Variants in CACNB4 observed in about 807,000 individuals in gnomAD.
CACNB4 encodes voltage-dependent L-type calcium channel subunit beta-4.
Under a neutral mutation model 71.2 loss-of-function variants are expected in CACNB4, and 32 were observed. The observed-to-expected ratio is 0.45, with a 90% CI of 0.34 to 0.60. The LOEUF (loss-of-function observed/expected upper bound fraction) is 0.60. CACNB4 is among the 20% of genes least tolerant of loss of function. The pLI is 0.01. For missense variants in CACNB4, 464 were observed against 647.9 expected, an observed-to-expected ratio of 0.72 and a Z score of 3.08; for synonymous variants, 231 against 236.9, an observed-to-expected ratio of 0.97 and a Z score of 0.23.
At chr2:151,965,819 C>T (rs2099870950) in intron 2 of CACNB4, among the ~76,000 whole-genome samples, 2 of 151,964 alleles carry the variant, frequency 1.3e-5, no homozygotes, top group Admixed American at 1.3e-4. Context: ...TATTGGCAAG[C>T]GAACAAGCAA....
At chr2:151,998,053 T>A (rs1465781381) in intron 2 of CACNB4, among the ~76,000 whole-genome samples, 1 of 152,172 alleles carries the variant, frequency 6.6e-6, no homozygotes, top group African/African-American at 2.4e-5. Flanking sequence ...CTGGGCATGG[T>A]GGCTCATGTC....
chr2:152,051,572 T>C (rs1203317681), intron 2 of CACNB4, among the ~76,000 whole-genome samples: 1 of 152,120 alleles, frequency 6.6e-6, no homozygotes, highest in Non-Finnish European at 1.5e-5. Context: ...GCTTGCTTCC[T>C]CTCTCTCTGC....
At position 151,895,096 on chromosome 2, in the gene CACNB4, C is replaced by CCACACA. The variant is rs58504924; in HGVS notation, c.148-11732_148-11727dup. The stretch of plus-strand genomic sequence containing the variant: ...ATATGGAACCAGAACTCAAATAGCC[C>CCACACA]CACACACACACACACACACACACAC... On this transcript the variant is annotated intron_variant, in intron 2 of 13. Transcript: ENST00000539935. Among the ~76,000 whole-genome samples the CCACACA allele has an allele frequency of 9.3e-3, 207 of 22,320 alleles. 2 individuals are homozygous for CCACACA. The East Asian group carries it at 0.24, about 26-fold the overall frequency. The allele number at this position is 22,320 out of a possible 152,430, so 14.6% of individuals were successfully genotyped here.
At chr2:151,901,486 A>G (rs1425035762) in intron 2 of CACNB4, among the ~76,000 whole-genome samples, 1 of 152,152 alleles carries the variant, frequency 6.6e-6, no homozygotes. Context: ...TATTTTGTGG[A>G]AAGGTTCTTC....
At chr2:151,989,234 A>G (rs1448889827) in intron 2 of CACNB4, among the ~76,000 whole-genome samples, 2 of 152,202 alleles carry the variant, frequency 1.3e-5, no homozygotes, top group Non-Finnish European at 2.9e-5. Flanking sequence ...TCAAAGAATA[A>G]CAACACTTCC....
At chr2:152,082,007 T>C (rs1356047232) in intron 2 of CACNB4, among the ~76,000 whole-genome samples, 1 of 152,242 alleles carries the variant, frequency 6.6e-6, no homozygotes, top group East Asian at 1.9e-4. Flanking sequence ...TTCTTTATTA[T>C]AGATTTAAAG....
At chr2:152,087,153 C>T (rs1330392116) in intron 2 of CACNB4, among the ~76,000 whole-genome samples, 2 of 151,182 alleles carry the variant, frequency 1.3e-5, no homozygotes, top group Non-Finnish European at 2.9e-5. Flanking sequence ...AAAAAAAAGG[C>T]TAGGCACGGT....
At chr2:151,876,115 G>T (rs1236730887) in intron 5 of CACNB4, among the ~76,000 whole-genome samples, 1 of 152,104 alleles carries the variant, frequency 6.6e-6, no homozygotes, top group Non-Finnish European at 1.5e-5. Flanking sequence ...CATACTGCTG[G>T]TTCAGGTCAG....
chr2:152,069,500 C>A (rs932906879), intron 2 of CACNB4, among the ~76,000 whole-genome samples: 1 of 148,080 alleles, frequency 6.8e-6, no homozygotes, highest in Non-Finnish European at 1.5e-5. Flanking sequence ...ATAAAGAACA[C>A]GCCTTTTTTT....
At position 152,098,848 on chromosome 2, in the gene CACNB4, G is replaced by C; in HGVS notation, c.63+101C>G. On this transcript the variant is annotated intron_variant, in intron 1 of 13. Transcript: ENST00000539935. The surrounding 1 kb of genome is among the most constrained non-coding windows in gnomAD (Gnocchi z 5.3). ...CGGGGCCGCCGACTCCCGGGACTGG[G>C]GCCCCGCACGCCCGGCACGAAGGCG... The C allele has an allele frequency of 9.2e-7, 1 of 1,091,886 alleles. No homozygotes were observed. The highest frequency in any genetic ancestry group is 1.7e-5 in the South Asian group (1 of 60,500). 67.6% of individuals were successfully genotyped at this position (1,091,886 alleles called of 1,614,324 possible). A position where few individuals can be genotyped will look rare whatever the true frequency, so the allele number is the denominator to read the frequency against.
intron 2 of CACNB4, among the ~76,000 whole-genome samples, chr2:151,939,776 A>G (rs1005114318): frequency 6.6e-6 from 1 of 152,148 alleles, no homozygotes; most frequent in Non-Finnish European, 1.5e-5. Flanking sequence ...TACCCAAAAA[A>G]CTGATTAATC....
At chr2:151,940,629 C>T (rs563180898) in intron 2 of CACNB4, among the ~76,000 whole-genome samples, 4 of 152,210 alleles carry the variant, frequency 2.6e-5, no homozygotes, top group South Asian at 2.1e-4. Context: ...TTTATCCTAT[C>T]GGAACTTCAA....
At chr2:151,906,836 G>A (rs912453530) in intron 2 of CACNB4, among the ~76,000 whole-genome samples, 4 of 152,138 alleles carry the variant, frequency 2.6e-5, no homozygotes, top group African/African-American at 2.4e-5. Flanking sequence ...CTACCCTGAC[G>A]TGTCTCTTTG....
chr2:151,848,561 G>A (rs1014928460), intron 12 of CACNB4, among the ~76,000 whole-genome samples: 3 of 152,158 alleles, frequency 2.0e-5, no homozygotes, highest in African/African-American at 7.2e-5. Flanking sequence ...TGTTTCATAG[G>A]ATAAATCTGA....
chr2:151,962,386 G>A (rs894044117), intron 2 of CACNB4, among the ~76,000 whole-genome samples: 1 of 152,140 alleles, frequency 6.6e-6, no homozygotes, highest in Non-Finnish European at 1.5e-5. Flanking sequence ...TGAGCATGTT[G>A]TCAGGGACAC....
At chr2:152,081,724 A>G (rs1288818475) in intron 2 of CACNB4, among the ~76,000 whole-genome samples, 1 of 152,194 alleles carries the variant, frequency 6.6e-6, no homozygotes, top group Non-Finnish European at 1.5e-5. Context: ...CTATCACATT[A>G]GTTAGTGCTT....
chr2:151,942,381 C>T (rs2151635130), intron 2 of CACNB4, among the ~76,000 whole-genome samples: 1 of 149,292 alleles, frequency 6.7e-6, no homozygotes, highest in Non-Finnish European at 1.5e-5. Context: ...ATCCTGTTGT[C>T]TTCGTAAGCT....
intron 2 of CACNB4, among the ~76,000 whole-genome samples, chr2:151,894,017 TAA>T (rs767786756): frequency 2.6e-5 from 4 of 152,170 alleles, no homozygotes; most frequent in Non-Finnish European, 5.9e-5. Flanking sequence ...TCAACAAGGC[TAA>T]GAGTGGTGGC....
intron 2 of CACNB4, among the ~76,000 whole-genome samples, chr2:152,058,741 C>A (rs1685852847): frequency 1.3e-5 from 2 of 152,222 alleles, no homozygotes. Flanking sequence ...GCATAAGTAA[C>A]CAGGAGTCCA....
Sources: gnomAD v4.1 joint callset for allele counts (sites outside exome capture counted in the v4.1 genomes callset) on GRCh38, gnomAD v4.1.1 for gene constraint, Gnocchi (gnomAD v3.1) non-coding constraint, MANE v1.5 for transcripts, NCBI Gene and HGNC (gene_info 2026-07-23, HGNC 2026-07-21) for gene names.